ANK3: variants seen among roughly 807,000 people sequenced by gnomAD.
ANK3 encodes ankyrin 3.
ANK3 carries 57 observed loss-of-function variants against 370.9 expected under a neutral mutation model. The ratio of observed to expected loss-of-function variants is 0.15; its 90% CI spans 0.12 to 0.19. The LOEUF is 0.19. ANK3 is among the 10% of genes least tolerant of loss of function. ANK3 has a pLI of 1.00. For missense variants in ANK3, 4,439 were observed against 5,302.1 expected (o/e 0.84, Z 5.06); for synonymous variants, 1,929 against 1,946.3 (o/e 0.99, Z 0.23).
intron 1 of ANK3, among the ~76,000 whole-genome samples, chr10:60,296,742 T>G (rs539458693): frequency 6.6e-6 from 1 of 152,124 alleles, no homozygotes; most frequent in Non-Finnish European, 1.5e-5. Context: ...TCCCAGCACT[T>G]TGGGAGGCTG....
At chr10:60,438,110 C>T (rs1039028869) in intron 2 of ANK3, among the ~76,000 whole-genome samples, 33 of 152,144 alleles carry the variant, frequency 2.2e-4, no homozygotes, top group African/African-American at 7.0e-4. Context: ...ATGGTCATAC[C>T]TAATTTTCTA....
intron 1 of ANK3, among the ~76,000 whole-genome samples, chr10:60,631,894 T>C (rs985328212): frequency 2.0e-5 from 3 of 152,212 alleles, no homozygotes; most frequent in Non-Finnish European, 4.4e-5. Context: ...TAACTATTTA[T>C]GGTAAGGCTA....
chr10:60,437,992 A>G (rs559999563), intron 2 of ANK3, among the ~76,000 whole-genome samples: 169 of 152,310 alleles, frequency 1.1e-3, no homozygotes, highest in Middle Eastern at 6.8e-3. Flanking sequence ...ATATAACAGC[A>G]AAGAGTTATT....
intron 12 of ANK3, among the ~76,000 whole-genome samples, chr10:60,202,137 T>A (rs554767176): frequency 6.6e-6 from 1 of 152,256 alleles, no homozygotes; most frequent in African/African-American, 2.4e-5. Context: ...ATTATTTTTT[T>A]TGAGATGGAG....
intron 23 of ANK3, among the ~76,000 whole-genome samples, chr10:60,156,582 A>AGACT (rs1335182681): frequency 6.6e-6 from 1 of 152,168 alleles, no homozygotes; most frequent in African/African-American, 2.4e-5. Context: ...CCTGGTGCAG[A>AGACT]GACTGACTTC....
At chr10:60,728,885 C>T (rs575284126) in intron 1 of ANK3, among the ~76,000 whole-genome samples, 63 of 152,182 alleles carry the variant, frequency 4.1e-4, no homozygotes, top group African/African-American at 1.3e-3. Flanking sequence ...CAATACTTAC[C>T]CTCTAGTTTA....
chr10:60,046,869 C>T (rs11592958), intron 42 of ANK3, among the ~76,000 whole-genome samples: 11,821 of 148,490 alleles, frequency 0.08, 616 homozygotes, highest in Non-Finnish European at 0.12. Context: ...TGCAGTGGCG[C>T]GATCTTGGCT....
At chr10:60,560,651 T>G (rs189557706) in intron 2 of ANK3, among the ~76,000 whole-genome samples, 79 of 152,310 alleles carry the variant, frequency 5.2e-4, no homozygotes, top group African/African-American at 1.9e-3. Flanking sequence ...ACTTCTCTAT[T>G]TGTCCAAAAC....
intron 42 of ANK3, among the ~76,000 whole-genome samples, chr10:60,054,537 T>G (rs950690816): frequency 6.6e-6 from 1 of 152,058 alleles, no homozygotes; most frequent in Non-Finnish European, 1.5e-5. Context: ...AAATAGATGA[T>G]CTAGAACTAA....
chr10:60,085,268 G>C lies in ANK3; in HGVS notation c.3749-15C>G. ...CGAAGTGCCCCCTGAGAGAACAACA[G>C]CAGATATGTTGACTTTATCATGGGA... On this transcript the variant is annotated splice_polypyrimidine_tract_variant and intron_variant, in intron 30 of 43. Coordinates refer to ENST00000280772, the MANE Select transcript of ANK3 (RefSeq NM_020987.5). 1 of 1,588,880 alleles carries C rather than the reference G, an allele frequency of 6.3e-7. No individual in the cohort carries two copies. Among genetic ancestry groups the C allele is most frequent in the South Asian group, 1.1e-5 (1 of 88,756 alleles).
At chr10:60,633,445 TAA>T (rs1449890293) in intron 1 of ANK3, among the ~76,000 whole-genome samples, 3 of 152,170 alleles carry the variant, frequency 2.0e-5, no homozygotes, top group African/African-American at 4.8e-5. Flanking sequence ...AATCATCATA[TAA>T]GTTAAAAATA....
intron 2 of ANK3, among the ~76,000 whole-genome samples, chr10:60,580,641 G>A (rs2077738160): frequency 6.6e-6 from 1 of 152,010 alleles, no homozygotes; most frequent in Admixed American, 6.6e-5. Context: ...CAGTATACAA[G>A]TATTCTTTAT....
intron 31 of ANK3, 115 bp downstream of exon 31, chr10:60,085,042 A>T: frequency 1.1e-6 from 1 of 882,022 alleles, no homozygotes. Flanking sequence ...AGCAAATACT[A>T]CGGATTTTTT....
chr10:60,055,381 C>T (rs1341112608), intron 42 of ANK3, among the ~76,000 whole-genome samples: 1 of 152,170 alleles, frequency 6.6e-6, no homozygotes, highest in Non-Finnish European at 1.5e-5. Context: ...TGGTTCTTGT[C>T]CCTCCTAAAA....
intron 2 of ANK3, among the ~76,000 whole-genome samples, chr10:60,457,466 T>C (rs1465273795): frequency 1.3e-5 from 2 of 152,184 alleles, no homozygotes; most frequent in African/African-American, 2.4e-5. Context: ...ATAGAATAGA[T>C]TGCTAATATG....
At chr10:60,213,014 T>A (rs1338008054) in intron 9 of ANK3, among the ~76,000 whole-genome samples, 1 of 152,176 alleles carries the variant, frequency 6.6e-6, no homozygotes, top group East Asian at 1.9e-4. Flanking sequence ...CTAAGTGATA[T>A]CCTTGACCTC....
chr10:60,522,747 A>G (rs1480932565), intron 2 of ANK3, among the ~76,000 whole-genome samples: 3 of 152,148 alleles, frequency 2.0e-5, no homozygotes, highest in Admixed American at 1.3e-4. Flanking sequence ...GAGTTAAAGG[A>G]TATTTTTAAA....
At chr10:60,715,922 ATG>A (rs2079781212) in intron 1 of ANK3, among the ~76,000 whole-genome samples, 2 of 150,772 alleles carry the variant, frequency 1.3e-5, no homozygotes, top group African/African-American at 2.4e-5. Context: ...GAAATATTAA[ATG>A]TGTATGTACA....
rs746950998 is a variant in ANK3 at position 60,071,491 on chromosome 10, C to A, written c.9390G>T (p.Gly3130=). Residue 3130 remains glycine, a synonymous_variant, in exon 37 of 44, where the codon GGG becomes GGT. Transcript: ENST00000280772. ...QECKTVQETR[G]TFYTTRQQKQ... ...TTTGCTGTCTAGTTGTATAAAAGGT[C>A]CCCCTGGTTTCTTGTACTGTCTTAC... 1 of 1,613,744 alleles carries A rather than the reference C, an allele frequency of 6.2e-7. No individual in the cohort carries two copies. The highest frequency in any genetic ancestry group is 8.5e-7 in the Non-Finnish European group (1 of 1,179,924).
Sources: allele counts gnomAD v4.1 joint callset (sites outside exome capture counted in the v4.1 genomes callset), GRCh38; gene constraint gnomAD v4.1.1; transcripts MANE v1.5; gene names NCBI Gene and HGNC (gene_info 2026-07-23, HGNC 2026-07-21).